Variants in CYP20A1 observed in about 807,000 individuals in gnomAD.
The protein encoded by CYP20A1 is cytochrome P450 20A1.
A neutral mutation model predicts 61.4 loss-of-function variants in CYP20A1; 61 were observed. The ratio of observed to expected loss-of-function variants is 0.99; its 90% CI spans 0.81 to 1.23. The LOEUF (loss-of-function observed/expected upper bound fraction) is 1.23. Among genes scored for constraint, CYP20A1 ranks in the 50% most tolerant of loss-of-function variants. CYP20A1 has a pLI of 0.00. For synonymous variants in CYP20A1, 193 were observed against 188.2 expected (o/e 1.03, Z -0.21); for missense variants, 530 against 542.4 (o/e 0.98, Z 0.23).
intron 8 of CYP20A1, 142 bp from the exon 9 acceptor site, chr2:203,285,470 G>T: frequency 1.2e-6 from 1 of 844,216 alleles, no homozygotes; most frequent in Non-Finnish European, 1.7e-6. Context: ...TTACTTTTTA[G>T]TAGCACTTAT....
chr2:203,276,461 C>T (rs916124672), intron 6 of CYP20A1, among the ~76,000 whole-genome samples: 3 of 151,348 alleles, frequency 2.0e-5, no homozygotes, highest in African/African-American at 4.9e-5. Flanking sequence ...ATAAACCAGG[C>T]ATGAGAGATA....
chr2:203,294,609 C>T (rs998703417), intron 11 of CYP20A1, among the ~76,000 whole-genome samples: 3 of 151,996 alleles, frequency 2.0e-5, no homozygotes, highest in Non-Finnish European at 4.4e-5. Flanking sequence ...AGATACCCTC[C>T]TAGAATTCAG....
At chr2:203,257,962 C>A (rs2066967466) in intron 4 of CYP20A1, among the ~76,000 whole-genome samples, 4 of 152,184 alleles carry the variant, frequency 2.6e-5, no homozygotes, top group Non-Finnish European at 4.4e-5. Context: ...AGTGCAGTGG[C>A]ACAATTATAG....
At chr2:203,277,388 C>T (rs889640489) in intron 6 of CYP20A1, among the ~76,000 whole-genome samples, 1 of 151,000 alleles carries the variant, frequency 6.6e-6, no homozygotes, top group Non-Finnish European at 1.5e-5. Flanking sequence ...TTGGAGAATA[C>T]GTTATCAACA....
At position 203,289,750 on chromosome 2, in the gene CYP20A1, A is replaced by AT. The variant is rs534950176; in HGVS notation, c.972-8dup. Reference sequence around the variant, plus strand: ...CCCAAAATAAACATCTTCAAAAAAAATTTTTTTAAAACAGATATTGTCAGC... The same window carrying AT: ...CCCAAAATAAACATCTTCAAAAAAAATTTTTTTTAAAACAGATATTGTCAGC... On this transcript the variant is annotated splice_polypyrimidine_tract_variant and intron_variant, in intron 9 of 12. Coordinates refer to ENST00000356079, the MANE Select transcript of CYP20A1 (RefSeq NM_177538.3). 4.2e-4 allele frequency: 635 copies of AT among 1,507,118 alleles called. 1 individual carries two copies. Among genetic ancestry groups the AT allele is most frequent in the Non-Finnish European group, 5.4e-4 (608 of 1,117,318 alleles). The allele number at this position is 1,507,118 out of a possible 1,614,324, so 93.4% of individuals were successfully genotyped here.
intron 8 of CYP20A1, among the ~76,000 whole-genome samples, chr2:203,284,738 T>C (rs796543037): frequency 8.6e-6 from 1 of 116,240 alleles, no homozygotes; most frequent in African/African-American, 4.2e-5. Flanking sequence ...GAACCACTGC[T>C]TTTTTTTTTT....
intron 3 of CYP20A1, among the ~76,000 whole-genome samples, chr2:203,247,570 A>G (rs1025458581): frequency 2.0e-5 from 3 of 152,168 alleles, no homozygotes; most frequent in Non-Finnish European, 4.4e-5. Flanking sequence ...TAAAAAGAGT[A>G]TTAATGGGCT....
rs983847175 is a variant in CYP20A1 at position 203,301,177 on chromosome 2, GAA to G, written c.*4270_*4271del. Among the ~76,000 whole-genome samples the G allele has an allele frequency of 1.5e-5, 2 of 130,430 alleles. No individual in the cohort carries two copies. Among genetic ancestry groups the G allele is most frequent in the Admixed American group, 8.6e-5 (1 of 11,620 alleles). 85.6% of individuals were successfully genotyped at this position (130,430 alleles called of 152,430 possible). ...CACCATTGCACTCCAGCCTGGGCAA[GAA>G]GAGTGAAACTCTATCCAAAAAAAAA... On this transcript the variant is annotated 3_prime_UTR_variant, in exon 13 of 13. Transcript: ENST00000356079.
intron 7 of CYP20A1, 47 bp from the exon 8 acceptor site, chr2:203,280,012 G>T: frequency 2.9e-6 from 4 of 1,381,734 alleles, no homozygotes; most frequent in South Asian, 1.4e-5. Context: ...CCTAATATAG[G>T]CTACCTTACA....
At chr2:203,245,972 C>T (rs2066446491) in intron 2 of CYP20A1, 77 bp downstream of exon 2, 4 of 1,009,362 alleles carry the variant, frequency 4.0e-6, no homozygotes, top group South Asian at 3.1e-5. Context: ...TATTTTTAGC[C>T]AATCATGGTA....
intron 8 of CYP20A1, among the ~76,000 whole-genome samples, chr2:203,284,171 G>T (rs527318687): frequency 6.6e-6 from 1 of 152,110 alleles, no homozygotes; most frequent in African/African-American, 2.4e-5. Flanking sequence ...AACAATATTG[G>T]TAATAAGGTG....
chr2:203,268,021 C>T (rs1451714299), intron 5 of CYP20A1, among the ~76,000 whole-genome samples: 1 of 152,066 alleles, frequency 6.6e-6, no homozygotes, highest in African/African-American at 2.4e-5. Flanking sequence ...AACTCCCTCC[C>T]TCCCATATAT....
At chr2:203,278,403 T>C (rs2043444) in intron 6 of CYP20A1, among the ~76,000 whole-genome samples, 170 bp from the exon 7 acceptor site, 55,123 of 152,082 alleles carry the variant, frequency 0.36, 10,586 homozygotes, top group East Asian at 0.54. Flanking sequence ...ATGTTAAATT[T>C]GGCAAAAAAG....
chr2:203,279,385 T>TA (rs543217946), intron 7 of CYP20A1, among the ~76,000 whole-genome samples: 9 of 152,198 alleles, frequency 5.9e-5, no homozygotes, highest in Non-Finnish European at 2.9e-5. Flanking sequence ...ATTCTTGAAT[T>TA]ACAAAAGAGG....
In CYP20A1 at chr2:203,280,086, C is replaced by T. The variant is rs1390911692; in HGVS notation, c.823C>T (p.Leu275=). ...QILEDSMIFS[L]ASCIITAKLC... is the part of the protein sequence containing the mutation. ...CCTAGAAGACAGTATGATATTTTCT[C>T]TGGCCAGTTGCATAATAACTGCAAA... Residue 275 remains leucine, a synonymous_variant, in exon 8 of 13, where the codon CTG becomes TTG. Coordinates refer to ENST00000356079, the MANE Select transcript of CYP20A1 (RefSeq NM_177538.3). The T allele has an allele frequency of 2.5e-6, 4 of 1,607,058 alleles. No individual in the cohort carries two copies. Among genetic ancestry groups the T allele is most frequent in the African/African-American group, 1.3e-5 (1 of 74,874 alleles).
rs2069077778 is a variant in CYP20A1 at position 203,302,921 on chromosome 2, G to C, written c.*6013G>C. 1.3e-5 allele frequency among the ~76,000 whole-genome samples: 2 copies of C among 151,912 alleles called. No homozygotes were observed. The highest frequency in any genetic ancestry group is 4.8e-5 in the African/African-American group (2 of 41,358). On this transcript the variant is annotated 3_prime_UTR_variant, in exon 13 of 13. Coordinates refer to ENST00000356079, the MANE Select transcript of CYP20A1 (RefSeq NM_177538.3). ...TTGGTCAGGCTGGTCCTGAACTCTT[G>C]ACCTTGTGATCTGCCCAACTCAGCC...
At chr2:203,290,862 C>T (rs2068502801) in intron 10 of CYP20A1, among the ~76,000 whole-genome samples, 2 of 152,154 alleles carry the variant, frequency 1.3e-5, no homozygotes, top group African/African-American at 4.8e-5. Context: ...AGGCTGGTCT[C>T]GAACTCTTGG....
chr2:203,279,525 T>A lies in CYP20A1; in HGVS notation c.796-534T>A, dbSNP rs113363206. ...GGTATTGTCAGGCCAGTGAGGTGAG[T>A]TGTTATTGCCACACCTCTTCATTGT... On this transcript the variant is annotated intron_variant, in intron 7 of 12. Transcript: ENST00000356079. Among the ~76,000 whole-genome samples the A allele has an allele frequency of 5.9e-5, 9 of 152,100 alleles. 1 individual carries two copies. Among genetic ancestry groups the A allele is most frequent in the African/African-American group, 2.2e-4 (9 of 41,490 alleles).
intron 4 of CYP20A1, 28 bp from the exon 5 acceptor site, chr2:203,266,486 A>G (rs1318032006): frequency 6.3e-7 from 1 of 1,595,832 alleles, no homozygotes; most frequent in African/African-American, 1.3e-5. Flanking sequence ...AGAAACAGTA[A>G]TCATTGTGCT....
Sources: gnomAD v4.1 joint callset for allele counts (sites outside exome capture counted in the v4.1 genomes callset) on GRCh38, gnomAD v4.1.1 for gene constraint, MANE v1.5 for transcripts, NCBI Gene and HGNC (gene_info 2026-07-23, HGNC 2026-07-21) for gene names.